The following AKAP6 variants were observed in gnomAD, a reference collection of about 807,000 sequenced individuals.
AKAP6 encodes the protein A-kinase anchoring protein 6, also known as A-kinase anchor protein 6.
Under a neutral mutation model 188.5 loss-of-function variants are expected in AKAP6, and 58 were observed. That is an observed-to-expected ratio of 0.31 (90% confidence interval 0.25 to 0.38). AKAP6 has a LOEUF of 0.38. AKAP6 is among the 10% of genes least tolerant of loss of function. The pLI, the probability that AKAP6 is intolerant of heterozygous loss-of-function variation, is 1.00. For missense variants in AKAP6, 2,710 were observed against 2,740.0 expected (o/e 0.99, Z 0.24); for synonymous variants, 989 against 998.6 (o/e 0.99, Z 0.18).
At chr14:32,380,078 C>T (rs756552937) in intron 1 of AKAP6, among the ~76,000 whole-genome samples, 2 of 152,212 alleles carry the variant, frequency 1.3e-5, no homozygotes, top group African/African-American at 2.4e-5. Flanking sequence ...CATTCTCAGA[C>T]TGAAGAAACC....
intron 7 of AKAP6, among the ~76,000 whole-genome samples, chr14:32,667,747 C>T (rs375415406): frequency 1.5e-4 from 23 of 152,150 alleles, no homozygotes; most frequent in East Asian, 3.9e-4. Flanking sequence ...AGTATAAAGG[C>T]ACACTTGTTT....
rs563320645 is a variant in AKAP6 at position 32,418,358 on chromosome 14, A to G, written c.-34-15102A>G. 4.6e-5 allele frequency among the ~76,000 whole-genome samples: 7 copies of G among 152,296 alleles called. No individual in the cohort carries two copies. In the East Asian group the frequency reaches 1.3e-3, roughly 29 times the overall value. ...TATCCAAGAGGGCAAAGGAGGGCAA[A>G]AAGTGAAAGGCTCAGAAATCATGAC... is the stretch of plus-strand genomic sequence containing the variant. On this transcript the variant is annotated intron_variant, in intron 1 of 13. Transcript: ENST00000280979.
intron 1 of AKAP6, among the ~76,000 whole-genome samples, chr14:32,414,137 C>T (rs540160218): frequency 6.6e-6 from 1 of 152,030 alleles, no homozygotes; most frequent in Admixed American, 6.6e-5. Context: ...GAAGTGGGGA[C>T]TGCTGAGGTC....
intron 1 of AKAP6, among the ~76,000 whole-genome samples, chr14:32,427,297 G>T (rs988200833): frequency 5.9e-5 from 9 of 152,184 alleles, no homozygotes; most frequent in Admixed American, 5.2e-4. Context: ...GCATTGGGGT[G>T]GGCAGGGAAA....
At chr14:32,556,777 C>T (rs10438058) in intron 4 of AKAP6, among the ~76,000 whole-genome samples, 67,076 of 151,992 alleles carry the variant, frequency 0.44, 15,327 homozygotes, top group African/African-American at 0.55. Flanking sequence ...ATTTATCTAT[C>T]TTTGCTTTTG....
chr14:32,554,514 A>T (rs968106533), intron 4 of AKAP6, among the ~76,000 whole-genome samples: 1 of 152,190 alleles, frequency 6.6e-6, no homozygotes, highest in African/African-American at 2.4e-5. Context: ...GAGAGCTGGT[A>T]TTCCAGCTGG....
At chr14:32,731,660 A>G (rs1221822318) in intron 9 of AKAP6, among the ~76,000 whole-genome samples, 1 of 152,160 alleles carries the variant, frequency 6.6e-6, no homozygotes, top group Non-Finnish European at 1.5e-5. Context: ...TTTATAAAGT[A>G]CAGTCATAGT....
At chr14:32,697,445 A>G (rs1290364985) in intron 9 of AKAP6, among the ~76,000 whole-genome samples, 1 of 152,186 alleles carries the variant, frequency 6.6e-6, no homozygotes, top group Non-Finnish European at 1.5e-5. Flanking sequence ...TAACAGTCTC[A>G]ACCTAATTTA....
At chr14:32,785,443 A>G (rs1393821562) in intron 12 of AKAP6, among the ~76,000 whole-genome samples, 3 of 152,230 alleles carry the variant, frequency 2.0e-5, no homozygotes, top group Non-Finnish European at 2.9e-5. Context: ...ACTTTGGATA[A>G]CATCATCATA....
rs71432061 is a variant in AKAP6, at chr14:32,499,328, C to CAAAAAAA, written c.325-36213_325-36207dup. On this transcript the variant is annotated intron_variant, in intron 2 of 13. Coordinates refer to ENST00000280979, the MANE Select transcript of AKAP6 (RefSeq NM_004274.5). ...ACATGATAAAAAATAAGTGTAACAG[C>CAAAAAAA]AAAAAAAAAAAAAAAAAAAGAGAGA... 6.3e-5 allele frequency among the ~76,000 whole-genome samples: 7 copies of CAAAAAAA among 111,082 alleles called. No individual in the cohort carries two copies. The East Asian group carries it at 8.0e-4, about 13-fold the overall frequency. 72.9% of individuals were successfully genotyped at this position (111,082 alleles called of 152,430 possible).
chr14:32,352,098 TGTGTTTGTGTG>T (rs1566458657), intron 1 of AKAP6, among the ~76,000 whole-genome samples: 5 of 114,020 alleles, frequency 4.4e-5, no homozygotes, highest in Admixed American at 9.0e-5. Flanking sequence ...TGTGTGTGTG[TGTGTTTGTGTG>T]TGTGTGTGTG....
intron 5 of AKAP6, among the ~76,000 whole-genome samples, chr14:32,582,227 A>G (rs1438661674): frequency 6.6e-6 from 1 of 152,082 alleles, no homozygotes; most frequent in Non-Finnish European, 1.5e-5. Flanking sequence ...TTGTCTGTAA[A>G]GTATTTTATT....
At chr14:32,349,537 A>G (rs1887190764) in intron 1 of AKAP6, among the ~76,000 whole-genome samples, 1 of 152,218 alleles carries the variant, frequency 6.6e-6, no homozygotes, top group African/African-American at 2.4e-5. Context: ...GGCTTGATGC[A>G]GTGAGTAATA....
chr14:32,644,199 C>T (rs896667489), intron 7 of AKAP6, among the ~76,000 whole-genome samples: 1 of 152,146 alleles, frequency 6.6e-6, no homozygotes, highest in African/African-American at 2.4e-5. Flanking sequence ...ACTGTAAGTG[C>T]AATGTCCACA....
rs373954293 is a variant in AKAP6, at chr14:32,366,121, C to A, written c.-35+36713C>A. Among the ~76,000 whole-genome samples the A allele has an allele frequency of 4.0e-4, 61 of 152,246 alleles. No homozygotes were observed. In the South Asian group the frequency reaches 0.012, roughly 30 times the overall value. ...CAATCCATTGTCCCTACCCTCCCCCCACTACCATTTCCTCTCTTTCCTACC... is the reference window on the plus strand; with the variant it reads ...CAATCCATTGTCCCTACCCTCCCCCAACTACCATTTCCTCTCTTTCCTACC... On this transcript the variant is annotated intron_variant, in intron 1 of 13. Coordinates refer to ENST00000280979, the MANE Select transcript of AKAP6 (RefSeq NM_004274.5).
chr14:32,435,031 C>G (rs1385138097), intron 2 of AKAP6, among the ~76,000 whole-genome samples: 1 of 152,192 alleles, frequency 6.6e-6, no homozygotes, highest in African/African-American at 2.4e-5. Flanking sequence ...AATGCAAACC[C>G]CAGCCATCTT....
intron 11 of AKAP6, among the ~76,000 whole-genome samples, chr14:32,762,646 G>A (rs183299409): frequency 4.1e-4 from 62 of 152,022 alleles, no homozygotes; most frequent in African/African-American, 1.0e-3. Flanking sequence ...CCCTTTCCAA[G>A]TAAAATTAAT....
chr14:32,415,155 A>T (rs1245140114), intron 1 of AKAP6, among the ~76,000 whole-genome samples: 1 of 152,216 alleles, frequency 6.6e-6, no homozygotes, highest in Non-Finnish European at 1.5e-5. Flanking sequence ...ATATTGCATT[A>T]CACTGGTACA....
At chr14:32,663,058 A>G (rs537023883) in intron 7 of AKAP6, among the ~76,000 whole-genome samples, 27 of 152,106 alleles carry the variant, frequency 1.8e-4, no homozygotes, top group Non-Finnish European at 3.7e-4. Context: ...CAGTATAATT[A>G]TAGGCTAATT....
Sources: gnomAD v4.1 joint callset for allele counts (sites outside exome capture counted in the v4.1 genomes callset) on GRCh38, gnomAD v4.1.1 for gene constraint, MANE v1.5 for transcripts, NCBI Gene and HGNC (gene_info 2026-07-23, HGNC 2026-07-21) for gene names.